Variants in SYT16 observed in about 807,000 individuals in gnomAD.
SYT16 encodes synaptotagmin-16.
SYT16 carries 42 observed loss-of-function variants against 61.4 expected under a neutral mutation model. The observed-to-expected ratio is 0.68, with a 90% confidence interval of 0.53 to 0.89. SYT16 has a LOEUF of 0.89. Ranked by LOEUF, SYT16 falls within the 40% of genes least tolerant of loss-of-function variation. SYT16 has a pLI of 0.00. For synonymous variants in SYT16, 314 were observed against 302.3 expected (o/e 1.04, Z -0.40); for missense variants, 804 against 807.3 (o/e 1.00, Z 0.05).
At chr14:61,998,532 C>G (rs1444706344) in intron 3 of SYT16, among the ~76,000 whole-genome samples, 1 of 151,924 alleles carries the variant, frequency 6.6e-6, no homozygotes, top group Non-Finnish European at 1.5e-5. Flanking sequence ...AGTAGTTTTC[C>G]CTTTTTAATT....
chr14:61,980,970 G>GTA (rs72219941), intron 2 of SYT16, among the ~76,000 whole-genome samples: 2 of 151,700 alleles, frequency 1.3e-5, no homozygotes, highest in African/African-American at 4.9e-5. Flanking sequence ...TTGTGTGTGT[G>GTA]TGTGTGGTTG....
chr14:61,947,480 C>G (rs1252085417), intron 1 of SYT16, among the ~76,000 whole-genome samples: 1 of 152,072 alleles, frequency 6.6e-6, no homozygotes, highest in East Asian at 1.9e-4. Context: ...CTTGTTAGAG[C>G]CAACAAGGAC....
At chr14:61,904,155 C>T (rs1279448282) in intron 1 of SYT16, among the ~76,000 whole-genome samples, 1 of 152,212 alleles carries the variant, frequency 6.6e-6, no homozygotes, top group Non-Finnish European at 1.5e-5. Context: ...CTGGAACTAT[C>T]CATCCTTGGC....
At chr14:61,847,532 T>C (rs1407564316) in intron 1 of SYT16, among the ~76,000 whole-genome samples, 1 of 152,182 alleles carries the variant, frequency 6.6e-6, no homozygotes. Context: ...TACCTTGAGG[T>C]AGTCCTCTTT....
chr14:61,991,753 A>G (rs747408192), intron 2 of SYT16, among the ~76,000 whole-genome samples: 3 of 152,206 alleles, frequency 2.0e-5, no homozygotes, highest in Non-Finnish European at 4.4e-5. Flanking sequence ...GAACTATTCC[A>G]TGAAAAGGCA....
intron 3 of SYT16, among the ~76,000 whole-genome samples, chr14:62,055,644 TA>T (rs1462166915): frequency 6.6e-6 from 1 of 152,176 alleles, no homozygotes; most frequent in Admixed American, 6.5e-5. Flanking sequence ...GCCCTTGATA[TA>T]GGGTGGATCC....
intron 1 of SYT16, among the ~76,000 whole-genome samples, chr14:61,850,014 G>A (rs1233291926): frequency 1.3e-5 from 2 of 152,006 alleles, no homozygotes; most frequent in African/African-American, 4.8e-5. Context: ...AACAATATGA[G>A]TTTTCCCTTT....
chr14:62,008,782 A>G (rs968194250), intron 3 of SYT16, among the ~76,000 whole-genome samples: 1 of 152,102 alleles, frequency 6.6e-6, no homozygotes, highest in African/African-American at 2.4e-5. Context: ...TTTTTGAGTT[A>G]TGCAGATACA....
intron 1 of SYT16, among the ~76,000 whole-genome samples, chr14:61,885,874 A>G (rs537256203): frequency 2.6e-5 from 4 of 152,126 alleles, no homozygotes; most frequent in Admixed American, 6.5e-5. Flanking sequence ...TCAGTGAGCC[A>G]TAATCTTTTT....
intron 1 of SYT16, among the ~76,000 whole-genome samples, chr14:61,821,373 A>G (rs1289690262): frequency 2.0e-5 from 3 of 152,206 alleles, no homozygotes; most frequent in Non-Finnish European, 4.4e-5. Flanking sequence ...ACAAATTACC[A>G]CAAAGCTAGT....
intron 1 of SYT16, among the ~76,000 whole-genome samples, chr14:61,900,933 C>T (rs2048492475): frequency 6.6e-6 from 1 of 152,236 alleles, no homozygotes; most frequent in South Asian, 2.1e-4. Context: ...GACTGGATGC[C>T]AGGTGGCCAC....
chr14:61,894,686 A>G (rs1322150270), intron 1 of SYT16, among the ~76,000 whole-genome samples: 1 of 152,272 alleles, frequency 6.6e-6, no homozygotes, highest in Admixed American at 6.5e-5. Flanking sequence ...TCTAGGGCCC[A>G]GTGTGGTCTT....
chr14:62,102,128 C>G lies in SYT16; in HGVS notation c.*1421C>G, dbSNP rs2057431902. 6.6e-6 allele frequency: 1 copy of G among 152,146 alleles called. No homozygotes were observed. The allele number at this position is 152,146 out of a possible 1,614,324, so 9.4% of individuals were successfully genotyped here. On this transcript the variant is annotated 3_prime_UTR_variant, in exon 8 of 8. Transcript: ENST00000683842. ...TCTATGTTTCATTGTGGACTTTTTC[C>G]TGTCTGTGGGAAGAGTGATAGCTAG...
chr14:61,842,053 G>T (rs964455843), intron 1 of SYT16, among the ~76,000 whole-genome samples: 1 of 151,772 alleles, frequency 6.6e-6, no homozygotes, highest in African/African-American at 2.4e-5. Context: ...AATTTGTGTG[G>T]GTACCTAGTA....
At chr14:61,884,905 C>T (rs2047841694) in intron 1 of SYT16, among the ~76,000 whole-genome samples, 1 of 152,136 alleles carries the variant, frequency 6.6e-6, no homozygotes. Flanking sequence ...GAAGATTTCT[C>T]TCTTTTGGGA....
intron 5 of SYT16, among the ~76,000 whole-genome samples, chr14:62,080,383 C>T (rs998576321): frequency 6.6e-6 from 1 of 152,170 alleles, no homozygotes; most frequent in Admixed American, 6.5e-5. Flanking sequence ...CTGGGACTCC[C>T]ATCAAAATTC....
intron 1 of SYT16, among the ~76,000 whole-genome samples, chr14:61,825,191 G>A (rs1391492366): frequency 1.3e-5 from 2 of 152,192 alleles, no homozygotes. Flanking sequence ...CAGCTTGTAA[G>A]GGCAGGGTTG....
intron 1 of SYT16, among the ~76,000 whole-genome samples, chr14:61,888,027 A>G (rs1430483866): frequency 6.6e-6 from 1 of 151,834 alleles, no homozygotes; most frequent in Non-Finnish European, 1.5e-5. Flanking sequence ...TATCATTTTT[A>G]TCTTTTGATT....
At chr14:62,078,214 A>G (rs911786845) in intron 5 of SYT16, among the ~76,000 whole-genome samples, 16 of 126,564 alleles carry the variant, frequency 1.3e-4, no homozygotes, top group Non-Finnish European at 2.5e-4. Flanking sequence ...TATATGTAGA[A>G]ATAGTTATGC....
Sources: allele counts gnomAD v4.1 joint callset (sites outside exome capture counted in the v4.1 genomes callset), GRCh38; gene constraint gnomAD v4.1.1; transcripts MANE v1.5; gene names NCBI Gene and HGNC (gene_info 2026-07-23, HGNC 2026-07-21).